The following SMG9 variants were observed in gnomAD, a reference collection of about 807,000 sequenced individuals.
The protein encoded by SMG9 is nonsense-mediated mRNA decay factor SMG9.
Under a neutral mutation model 64.0 loss-of-function variants are expected in SMG9, and 55 were observed. That is an observed-to-expected ratio of 0.86 (90% confidence interval 0.69 to 1.08). SMG9 has a LOEUF of 1.08. SMG9 is among the 50% of genes least tolerant of loss of function. SMG9 has a pLI of 0.00. For synonymous variants in SMG9, 244 were observed against 254.8 expected (o/e 0.96, Z 0.41); for missense variants, 554 against 681.3 (o/e 0.81, Z 2.08).
chr19:43,734,133 T>C (rs1020423144), intron 10 of SMG9: 9 of 545,048 alleles, frequency 1.7e-5, no homozygotes, highest in Non-Finnish European at 2.9e-5. Flanking sequence ...GACCCAGAAA[T>C]AGGCAGACCT....
At chr19:43,751,194 C>T (rs1022244428) in intron 1 of SMG9, among the ~76,000 whole-genome samples, 3 of 152,058 alleles carry the variant, frequency 2.0e-5, no homozygotes, top group Admixed American at 6.6e-5. Context: ...AGTGCAATGG[C>T]GTAATCTCGG....
intron 2 of SMG9, among the ~76,000 whole-genome samples, chr19:43,749,602 T>C (rs1020302133): frequency 1.2e-4 from 19 of 152,232 alleles, no homozygotes; most frequent in African/African-American, 4.3e-4. Context: ...CTATTCTTCA[T>C]GTTTGTACAG....
chr19:43,731,396 A>G lies in SMG9; in HGVS notation c.*200T>C. 7.2e-7 allele frequency: 1 copy of G among 1,390,036 alleles called. No homozygotes were observed. Among genetic ancestry groups the G allele is most frequent in the Non-Finnish European group, 9.3e-7 (1 of 1,071,448 alleles). The allele number at this position is 1,390,036 out of a possible 1,614,324, so 86.1% of individuals were successfully genotyped here. On this transcript the variant is annotated 3_prime_UTR_variant, in exon 14 of 14. Coordinates refer to ENST00000270066, the MANE Select transcript of SMG9 (RefSeq NM_019108.4). Reference sequence around the variant, plus strand: ...TCTCAGGTTTGGGGTGGGATCGCTCACAGTCACCCCCGGAACAGCCCCAAC... The same window carrying G: ...TCTCAGGTTTGGGGTGGGATCGCTCGCAGTCACCCCCGGAACAGCCCCAAC...
chr19:43,745,928 G>T (rs1204985885), intron 5 of SMG9, among the ~76,000 whole-genome samples: 1 of 152,206 alleles, frequency 6.6e-6, no homozygotes, highest in African/African-American at 2.4e-5. Context: ...TTGAACCCGG[G>T]AGGCGGGGGT....
chr19:43,743,770 T>C (rs779224338), intron 6 of SMG9, among the ~76,000 whole-genome samples: 5 of 152,218 alleles, frequency 3.3e-5, no homozygotes, highest in African/African-American at 7.2e-5. Flanking sequence ...CACTTGAGCC[T>C]GGGTGAAAGA....
intron 7 of SMG9, among the ~76,000 whole-genome samples, chr19:43,738,795 G>T (rs114658479): frequency 0.011 from 1,603 of 152,292 alleles, 32 homozygotes; most frequent in African/African-American, 0.037. Context: ...TCCAAACATT[G>T]AGCAGTGCTC....
At chr19:43,733,546 T>C in intron 11 of SMG9, 80 bp downstream of exon 11, 10 of 1,607,432 alleles carry the variant, frequency 6.2e-6, no homozygotes, top group Admixed American at 1.7e-5. Flanking sequence ...GAGACTAGTC[T>C]GGGGGTAGAG....
rs1053832229 is a variant in SMG9, at chr19:43,750,603, T to C, written c.139A>G (p.Arg47Gly). The C allele has an allele frequency of 1.9e-6, 3 of 1,611,416 alleles. No individual in the cohort carries two copies. The highest frequency in any genetic ancestry group is 1.7e-6 in the Non-Finnish European group (2 of 1,178,738). ...GTCCAGACACTCACCCTTCTCTCTCTTTCCCATGGTGCAATGTAGTCCCTC... is the reference window on the plus strand; with the variant it reads ...GTCCAGACACTCACCCTTCTCTCTCCTTCCCATGGTGCAATGTAGTCCCTC... ...RERDYIAPWE[R>G]ERRDASEETS... is the part of the protein sequence containing the mutation. Residue 47 changes from arginine to glycine, a missense_variant, in exon 2 of 14, where the codon AGA becomes GGA. Physicochemically the swap from Arg to Gly is moderately radical, Grantham distance 125. Coordinates refer to ENST00000270066, the MANE Select transcript of SMG9 (RefSeq NM_019108.4).
Position 43,731,034 on chromosome 19 carries a change from T to C in SMG9, c.*562A>G, listed in dbSNP as rs1241319067. Reference sequence around the variant, plus strand: ...CCACCCCAGGAAACAGAATAACCCCTTCTAGGGACTTCTTAGCAGAGACTG... The same window carrying C: ...CCACCCCAGGAAACAGAATAACCCCCTCTAGGGACTTCTTAGCAGAGACTG... On this transcript the variant is annotated 3_prime_UTR_variant, in exon 14 of 14. Transcript: ENST00000270066. The C allele has an allele frequency of 6.1e-6, 5 of 817,906 alleles. No individual in the cohort carries two copies. In the African/African-American group the frequency reaches 7.4e-5, roughly 12 times the overall value. 50.7% of individuals were successfully genotyped at this position (817,906 alleles called of 1,614,324 possible). A position where few individuals can be genotyped will look rare whatever the true frequency, so the allele number is the denominator to read the frequency against.
rs201620846 is a variant in SMG9, at chr19:43,747,403, G to A, written c.588+39C>T. ...AGAGGTGGAAGATCAGAGGATGCAG[G>A]ATGTGCGGAAGCTCAGGCAGGGCAG... On this transcript the variant is annotated intron_variant, in intron 5 of 13. Coordinates refer to ENST00000270066, the MANE Select transcript of SMG9 (RefSeq NM_019108.4). 3.1e-4 allele frequency: 488 copies of A among 1,589,932 alleles called. 2 individuals are homozygous for A. The Middle Eastern group carries it at 4.9e-3, about 16-fold the overall frequency.
rs1031739632 is a variant in SMG9, at chr19:43,729,847, A to T, written c.*1749T>A. ...AATGTCACAGCTCTGAAGGGCCTCGAGGATGATCTTAAATGTTGGAATAAT... is the reference window on the plus strand; with the variant it reads ...AATGTCACAGCTCTGAAGGGCCTCGTGGATGATCTTAAATGTTGGAATAAT... On this transcript the variant is annotated 3_prime_UTR_variant, in exon 14 of 14. Coordinates refer to ENST00000270066, the MANE Select transcript of SMG9 (RefSeq NM_019108.4). 1 of 152,398 alleles carries T rather than the reference A, an allele frequency of 6.6e-6. No individual in the cohort carries two copies. Among genetic ancestry groups the T allele is most frequent in the Admixed American group, 6.5e-5 (1 of 15,280 alleles). 9.4% of individuals were successfully genotyped at this position (152,398 alleles called of 1,614,324 possible).
intron 6 of SMG9, among the ~76,000 whole-genome samples, chr19:43,743,657 G>A (rs2146388433): frequency 6.6e-6 from 1 of 152,298 alleles, no homozygotes; most frequent in Non-Finnish European, 1.5e-5. Flanking sequence ...ACCAGCTGGT[G>A]TGGTGGCATG....
At chr19:43,737,267 C>T (rs924930674) in intron 9 of SMG9, among the ~76,000 whole-genome samples, 3 of 128,994 alleles carry the variant, frequency 2.3e-5, no homozygotes, top group East Asian at 2.4e-4. Context: ...AGCGAGACTC[C>T]GTCTCAATAA....
rs346537 is a variant in SMG9 at position 43,747,437 on chromosome 19, G to C, written c.588+5C>G. 5 of 1,612,380 alleles carry C rather than the reference G, an allele frequency of 3.1e-6. No individual in the cohort carries two copies. Among genetic ancestry groups the C allele is most frequent in the Non-Finnish European group, 3.4e-6 (4 of 1,179,886 alleles). On this transcript the variant is annotated splice_donor_5th_base_variant and intron_variant, in intron 5 of 13. Transcript: ENST00000270066. ...AAGCTCAGGCAGGGCAGGACCCCTCGGTACCTCGATGGCACTGTCACACCA... is the reference window on the plus strand; with the variant it reads ...AAGCTCAGGCAGGGCAGGACCCCTCCGTACCTCGATGGCACTGTCACACCA...
intron 2 of SMG9, chr19:43,750,237 A>G (rs964413149): frequency 5.6e-6 from 3 of 538,560 alleles, no homozygotes; most frequent in Non-Finnish European, 1.1e-5. Context: ...TTCCTCATCA[A>G]TTGCAGCCAT....
At chr19:43,734,011 G>T (rs1600191128) in intron 10 of SMG9, 1 of 550,612 alleles carries the variant, frequency 1.8e-6, no homozygotes, top group Admixed American at 3.2e-5. Context: ...GAGAAAGGAT[G>T]AAACAGGCAA....
chr19:43,733,844 A>G, intron 10 of SMG9, 111 bp from the exon 11 acceptor site: 1 of 721,164 alleles, frequency 1.4e-6, no homozygotes, highest in Non-Finnish European at 2.4e-6. Context: ...TCACTGTGTA[A>G]ATATTTATAT....
chr19:43,745,574 C>T lies in SMG9; in HGVS notation c.589-690G>A, dbSNP rs1038681349. Among the ~76,000 whole-genome samples, 9 of 152,130 alleles carry T rather than the reference C, an allele frequency of 5.9e-5. No homozygotes were observed. In the East Asian group the frequency reaches 7.7e-4, roughly 13 times the overall value. On this transcript the variant is annotated intron_variant, in intron 5 of 13. Transcript: ENST00000270066. ...TTTGTTTTGTTTTGTTTTTTAAAAG[C>T]GAATCCTATAGGCCAGGTGTTGTGG...
At chr19:43,740,354 T>A (rs1968810484) in intron 6 of SMG9, 136 bp from the exon 7 acceptor site, 1 of 671,498 alleles carries the variant, frequency 1.5e-6, no homozygotes. Flanking sequence ...CTGTGGCCCA[T>A]GTCAGGGGGT....
Sources: allele counts gnomAD v4.1 joint callset (sites outside exome capture counted in the v4.1 genomes callset), GRCh38; gene constraint gnomAD v4.1.1; transcripts MANE v1.5; gene names NCBI Gene and HGNC (gene_info 2026-07-23, HGNC 2026-07-21).